DENND1A: variants seen among roughly 807,000 people sequenced by gnomAD.
DENND1A encodes the protein DENN domain containing 1A.
DENND1A carries 51 observed loss-of-function variants against 113.7 expected under a neutral mutation model. That is an observed-to-expected ratio of 0.45 (90% CI 0.36 to 0.57). The LOEUF is 0.57. DENND1A is among the 20% of genes least tolerant of loss of function. The pLI, the probability that DENND1A is intolerant of heterozygous loss-of-function variation, is 0.00. For synonymous variants in DENND1A, 565 were observed against 570.8 expected (o/e 0.99, Z 0.14); for missense variants, 1,258 against 1,395.9 (o/e 0.90, Z 1.57).
intron 1 of DENND1A, among the ~76,000 whole-genome samples, chr9:123,927,086 G>A (rs1459052012): frequency 1.3e-5 from 2 of 152,084 alleles, no homozygotes; most frequent in South Asian, 2.1e-4. Flanking sequence ...AAATAGCATC[G>A]CCACCACTGG....
intron 10 of DENND1A, among the ~76,000 whole-genome samples, chr9:123,614,898 C>CT (rs1293857229): frequency 1.3e-5 from 2 of 152,108 alleles, no homozygotes; most frequent in African/African-American, 2.4e-5. Flanking sequence ...GCTTTTCTTT[C>CT]TTTTTTTGTA....
At chr9:123,804,153 G>T (rs1835157138) in intron 2 of DENND1A, among the ~76,000 whole-genome samples, 1 of 152,212 alleles carries the variant, frequency 6.6e-6, no homozygotes, top group Non-Finnish European at 1.5e-5. Context: ...GATAGTGAAT[G>T]AGTCTCATGA....
intron 22 of DENND1A, among the ~76,000 whole-genome samples, chr9:123,384,315 TTGG>T (rs1251659482): frequency 6.6e-6 from 1 of 152,212 alleles, no homozygotes; most frequent in African/African-American, 2.4e-5. Flanking sequence ...TGCTGTTTGT[TTGG>T]TGGCCTAGGC....
At chr9:123,399,027 C>G (rs1016879914) in intron 21 of DENND1A, among the ~76,000 whole-genome samples, 1 of 151,480 alleles carries the variant, frequency 6.6e-6, no homozygotes, top group African/African-American at 2.4e-5. Context: ...AACTCCTGAC[C>G]TCAAGTGACC....
intron 2 of DENND1A, among the ~76,000 whole-genome samples, chr9:123,870,146 C>T (rs1040236971): frequency 3.9e-5 from 6 of 152,036 alleles, no homozygotes; most frequent in African/African-American, 1.5e-4. Flanking sequence ...TATAAGAATC[C>T]CTTGTATAGT....
rs1348346806 is a variant in DENND1A, at chr9:123,380,307, A to ATAAT, written c.*1121_*1124dup. Reference sequence around the variant, plus strand: ...AATAAGGTAAAAAGGAAAAAGAAAGATAATAAACATTCAATCTAACTTTGG... The same window carrying ATAAT: ...AATAAGGTAAAAAGGAAAAAGAAAGATAATTAATAAACATTCAATCTAACTTTGG... On this transcript the variant is annotated 3_prime_UTR_variant, in exon 24 of 24. Coordinates refer to ENST00000394215, the MANE Select transcript of DENND1A (RefSeq NM_001352964.2). 2.0e-5 allele frequency: 3 copies of ATAAT among 152,590 alleles called. No individual in the cohort carries two copies. The highest frequency in any genetic ancestry group is 2.9e-5 in the Non-Finnish European group (2 of 68,050). The allele number at this position is 152,590 out of a possible 1,614,324, so 9.5% of individuals were successfully genotyped here. A position where few individuals can be genotyped will look rare whatever the true frequency, so the allele number is the denominator to read the frequency against.
intron 13 of DENND1A, among the ~76,000 whole-genome samples, chr9:123,547,851 C>T (rs555101035): frequency 6.6e-6 from 1 of 152,324 alleles, no homozygotes; most frequent in East Asian, 1.9e-4. Context: ...GTCGCAGTCT[C>T]ATCTTTCCCT....
chr9:123,653,438 C>T (rs143799310), intron 8 of DENND1A, among the ~76,000 whole-genome samples: 47 of 152,310 alleles, frequency 3.1e-4, no homozygotes, highest in African/African-American at 1.0e-3. Flanking sequence ...ATGGCCTATA[C>T]GCTTTCCCGT....
At position 123,395,468 on chromosome 9, in the gene DENND1A, C is replaced by CTCTCTGTGTGTGTG. The variant is rs367751848; in HGVS notation, c.1632-7611_1632-7610insCACACACACAGAGA. 2.7e-3 allele frequency among the ~76,000 whole-genome samples: 380 copies of CTCTCTGTGTGTGTG among 142,964 alleles called. 1 individual carries two copies. Among genetic ancestry groups the CTCTCTGTGTGTGTG allele is most frequent in the African/African-American group, 8.0e-3 (296 of 36,812 alleles). 93.8% of individuals were successfully genotyped at this position (142,964 alleles called of 152,430 possible). A position where few individuals can be genotyped will look rare whatever the true frequency, so the allele number is the denominator to read the frequency against. ...AGGGCCCAGAATCTACTCTCTCTCT[C>CTCTCTGTGTGTGTG]TGTGTGTGTGTGTGTGTGTGTGTGT... On this transcript the variant is annotated intron_variant, in intron 21 of 23. Transcript: ENST00000394215.
chr9:123,757,554 C>T (rs2070675533), intron 5 of DENND1A, 149 bp downstream of exon 5: 3 of 1,087,286 alleles, frequency 2.8e-6, no homozygotes, highest in South Asian at 3.3e-5. Flanking sequence ...AAGAACAACA[C>T]TGTGAAGTCC....
At position 123,457,357 on chromosome 9, in the gene DENND1A, C is replaced by T. The variant is rs776232573; in HGVS notation, c.1177G>A (p.Glu393Lys). The T allele has an allele frequency of 3.1e-6, 5 of 1,613,684 alleles. No homozygotes were observed. The South Asian group carries it at 3.3e-5, about 11-fold the overall frequency. The change falls in exon 15 of 24, where the codon GAG becomes AAG. Residue 393 changes from glutamate to lysine, a missense_variant. Glu to Lys is a moderately conservative substitution (Grantham distance 56). Coordinates refer to ENST00000394215, the MANE Select transcript of DENND1A (RefSeq NM_001352964.2). ...ATGAGTTGCTTCTCACCAGCGTACT[C>T]GCCCATGTTGATTTCCTCTTCAAAA... ...DVFEEEINMGEYAGSDKLYHQ... is the reference protein window; with the variant it reads ...DVFEEEINMGKYAGSDKLYHQ...
intron 2 of DENND1A, among the ~76,000 whole-genome samples, chr9:123,804,246 C>T (rs1197311290): frequency 6.6e-6 from 1 of 152,184 alleles, no homozygotes; most frequent in East Asian, 1.9e-4. Context: ...GTGACTTGTT[C>T]CTCCTTGCCT....
At chr9:123,922,585 T>C (rs1286735372) in intron 1 of DENND1A, among the ~76,000 whole-genome samples, 1 of 152,214 alleles carries the variant, frequency 6.6e-6, no homozygotes, top group Non-Finnish European at 1.5e-5. Flanking sequence ...CTGATCATAG[T>C]ACATCCCCAG....
chr9:123,509,342 T>C (rs1454844447), intron 13 of DENND1A, among the ~76,000 whole-genome samples: 1 of 151,786 alleles, frequency 6.6e-6, no homozygotes, highest in Non-Finnish European at 1.5e-5. Context: ...AGTTGGAGAG[T>C]CAGACAGGTC....
At chr9:123,875,867 G>C (rs1847373751) in intron 2 of DENND1A, among the ~76,000 whole-genome samples, 1 of 152,114 alleles carries the variant, frequency 6.6e-6, no homozygotes, top group Non-Finnish European at 1.5e-5. Flanking sequence ...GGTAGAGGAG[G>C]GACAAAGCAG....
chr9:123,692,041 A>T (rs2065223604), intron 5 of DENND1A, among the ~76,000 whole-genome samples: 1 of 152,200 alleles, frequency 6.6e-6, no homozygotes, highest in Non-Finnish European at 1.5e-5. Flanking sequence ...CATCCAGAGC[A>T]GCAGGTGCGG....
At chr9:123,861,549 G>A (rs1370122501) in intron 2 of DENND1A, among the ~76,000 whole-genome samples, 6 of 152,024 alleles carry the variant, frequency 3.9e-5, no homozygotes, top group African/African-American at 7.3e-5. Flanking sequence ...CTTAGTTCTG[G>A]TTGTACAAAA....
chr9:123,891,204 C>G (rs1217310831), intron 1 of DENND1A, among the ~76,000 whole-genome samples: 2 of 152,140 alleles, frequency 1.3e-5, no homozygotes, highest in Non-Finnish European at 2.9e-5. Context: ...AAGCACTGAG[C>G]TCCTCTCTCC....
At chr9:123,798,644 A>G (rs957073793) in intron 2 of DENND1A, 12 of 149,878 alleles carry the variant, frequency 8.0e-5, no homozygotes, top group African/African-American at 2.9e-4. Context: ...AATTTATGCT[A>G]TGTGAATCCA....
Sources: gnomAD v4.1 joint callset for allele counts (sites outside exome capture counted in the v4.1 genomes callset) on GRCh38, gnomAD v4.1.1 for gene constraint, MANE v1.5 for transcripts, NCBI Gene and HGNC (gene_info 2026-07-23, HGNC 2026-07-21) for gene names.